Variants in PCDHGA12 observed in about 807,000 individuals in gnomAD.
PCDHGA12 encodes the protein protocadherin gamma-A12.
In PCDHGA12, 43 loss-of-function variants were observed where a neutral mutation model predicts 61.1. The ratio of observed to expected loss-of-function variants is 0.70; its 90% CI spans 0.55 to 0.91. PCDHGA12 has a LOEUF of 0.91. Among genes scored for constraint, PCDHGA12 ranks in the 40% least tolerant of loss-of-function variants. PCDHGA12 has a pLI of 0.00. For synonymous variants in PCDHGA12, 520 were observed against 542.9 expected (o/e 0.96, Z 0.59); for missense variants, 1,236 against 1,227.7 (o/e 1.01, Z -0.10).
chr5:141,449,588 C>CAAA (rs768743917), intron 1 of PCDHGA12, among the ~76,000 whole-genome samples: 1 of 57,476 alleles, frequency 1.7e-5, no homozygotes, highest in East Asian at 5.2e-4. Context: ...GACTCTGTCT[C>CAAA]AAAAAAAAAA....
At chr5:141,438,418 G>C (rs2097959406) in intron 1 of PCDHGA12, among the ~76,000 whole-genome samples, 1 of 151,534 alleles carries the variant, frequency 6.6e-6, no homozygotes, top group Admixed American at 6.6e-5. Flanking sequence ...ATTTCACACA[G>C]TAGTTTGTAC....
intron 1 of PCDHGA12, among the ~76,000 whole-genome samples, chr5:141,433,747 G>A (rs566709728): frequency 1.3e-5 from 2 of 150,990 alleles, no homozygotes; most frequent in East Asian, 4.0e-4. Context: ...TGAGTCAGGA[G>A]AATTGCTTTA....
chr5:141,505,694 G>A, intron 3 of PCDHGA12, among the ~76,000 whole-genome samples: 1 of 152,208 alleles, frequency 6.6e-6, no homozygotes, highest in East Asian at 1.9e-4. Flanking sequence ...GCCTGGAGGA[G>A]AGCGAACAAG....
intron 2 of PCDHGA12, among the ~76,000 whole-genome samples, chr5:141,501,528 A>G (rs1173385747): frequency 6.6e-6 from 1 of 151,978 alleles, no homozygotes; most frequent in Non-Finnish European, 1.5e-5. Context: ...GAAGCCCAGT[A>G]CGTTGTTGTG....
intron 1 of PCDHGA12, among the ~76,000 whole-genome samples, chr5:141,445,924 A>G (rs1451439271): frequency 6.6e-6 from 1 of 152,184 alleles, no homozygotes; most frequent in Non-Finnish European, 1.5e-5. Flanking sequence ...GTGACAAGAT[A>G]TTTGAATTAT....
At chr5:141,461,063 C>T (rs1472437531) in intron 1 of PCDHGA12, among the ~76,000 whole-genome samples, 1 of 151,796 alleles carries the variant, frequency 6.6e-6, no homozygotes, top group Non-Finnish European at 1.5e-5. Flanking sequence ...GTTGGTTTCA[C>T]ATTTTTGCAA....
Position 141,477,783 on chromosome 5 carries a change from T to C in PCDHGA12, c.2425-17024T>C. 1 of 1,614,078 alleles carries C rather than the reference T, an allele frequency of 6.2e-7. No individual in the cohort carries two copies. Among genetic ancestry groups the C allele is most frequent in the Non-Finnish European group, 8.5e-7 (1 of 1,180,028 alleles). On this transcript the variant is annotated intron_variant, in intron 1 of 3. Coordinates refer to ENST00000252085, the MANE Select transcript of PCDHGA12 (RefSeq NM_003735.3). The surrounding 1 kb of genome is among the most constrained non-coding windows in gnomAD (Gnocchi z 4.9). ...GCCACCAACATCAGCGTGAACATAT[T>C]TGTCACTGATCGCAATGACAATGCC...
In PCDHGA12 at chr5:141,476,780, C is replaced by T. The variant is rs201463036; in HGVS notation, c.2425-18027C>T. On this transcript the variant is annotated intron_variant, in intron 1 of 3. Transcript: ENST00000252085. This position sits in a 1 kb window ranked among gnomAD's most constrained non-coding sequence, Gnocchi z 7.6. ...GCTGACGGCGTTGGACGGAGGGACCCCAGCTCTCTCCGCCAGCCTGCCTAT... is the reference window on the plus strand; with the variant it reads ...GCTGACGGCGTTGGACGGAGGGACCTCAGCTCTCTCCGCCAGCCTGCCTAT... 234 of 1,613,464 alleles carry T rather than the reference C, an allele frequency of 1.5e-4. No individual in the cohort carries two copies. Among genetic ancestry groups the T allele is most frequent in the Non-Finnish European group, 1.9e-4 (227 of 1,180,026 alleles).
chr5:141,478,454 A>T, intron 1 of PCDHGA12: 1 of 1,613,596 alleles, frequency 6.2e-7, no homozygotes. Flanking sequence ...TGGTGCAGCC[A>T]GTCCACTGGC....
intron 1 of PCDHGA12, among the ~76,000 whole-genome samples, chr5:141,466,868 CA>C (rs1343260699): frequency 1.3e-5 from 2 of 152,100 alleles, no homozygotes; most frequent in African/African-American, 2.4e-5. Flanking sequence ...GAAATCCACA[CA>C]TTTTTTTCAT....
At position 141,437,148 on chromosome 5, in the gene PCDHGA12, A is replaced by T. The variant is rs1196014608; in HGVS notation, c.2424+3965A>T. ...GTTGATAATTTAGGATTCATAATTA[A>T]CATATGTGTTGATTGTTTTCTGAGA... is the stretch of plus-strand genomic sequence containing the variant. On this transcript the variant is annotated intron_variant, in intron 1 of 3. Coordinates refer to ENST00000252085, the MANE Select transcript of PCDHGA12 (RefSeq NM_003735.3). Among the ~76,000 whole-genome samples the T allele has an allele frequency of 2.0e-5, 3 of 152,214 alleles. No individual in the cohort carries two copies. In the East Asian group the frequency reaches 5.8e-4, roughly 29 times the overall value.
In PCDHGA12 at chr5:141,491,723, G is replaced by A. The variant is rs764792125; in HGVS notation, c.2425-3084G>A. The A allele has an allele frequency of 1.7e-5, 27 of 1,606,770 alleles. No individual in the cohort carries two copies. In the African/African-American group the frequency reaches 3.2e-4, roughly 19 times the overall value. On this transcript the variant is annotated intron_variant, in intron 1 of 3. Coordinates refer to ENST00000252085, the MANE Select transcript of PCDHGA12 (RefSeq NM_003735.3). The surrounding 1 kb of genome is among the most constrained non-coding windows in gnomAD (Gnocchi z 6.9). The stretch of plus-strand genomic sequence containing the variant: ...CAGGTGAGGGGCTCGGCGCCGCCCC[G>A]GGCGACCCCTGGGGGCGGCACTGGA...
intron 2 of PCDHGA12, among the ~76,000 whole-genome samples, chr5:141,497,290 C>A (rs182104163): frequency 4.7e-4 from 72 of 152,184 alleles, no homozygotes; most frequent in Middle Eastern, 3.4e-3. Flanking sequence ...CTCTACCTAC[C>A]ACCACCCCAG....
At position 141,486,272 on chromosome 5, in the gene PCDHGA12, A is replaced by C. The variant is rs2099627166; in HGVS notation, c.2425-8535A>C. On this transcript the variant is annotated intron_variant, in intron 1 of 3. Transcript: ENST00000252085. The surrounding 1 kb of genome is among the most constrained non-coding windows in gnomAD (Gnocchi z 5.0). ...CCTCCCCGAGAGTGCAGAACCTGGC[A>C]CTGTGGTGGCACTTATCAGTGTGCA... 1 of 1,613,886 alleles carries C rather than the reference A, an allele frequency of 6.2e-7. No individual in the cohort carries two copies. Among genetic ancestry groups the C allele is most frequent in the Non-Finnish European group, 8.5e-7 (1 of 1,179,986 alleles).
chr5:141,497,649 C>T (rs973501351), intron 2 of PCDHGA12, among the ~76,000 whole-genome samples: 1 of 151,784 alleles, frequency 6.6e-6, no homozygotes, highest in Non-Finnish European at 1.5e-5. Context: ...AAGCGATTCT[C>T]CTGCCTCAGC....
At chr5:141,447,798 A>G (rs2098551922) in intron 1 of PCDHGA12, among the ~76,000 whole-genome samples, 2 of 152,230 alleles carry the variant, frequency 1.3e-5, no homozygotes, top group Admixed American at 1.3e-4. Context: ...TTAAGAAAAT[A>G]AAATTGGCTG....
Position 141,433,153 on chromosome 5 carries a change from A to G in PCDHGA12, c.2394A>G (p.Val798=), listed in dbSNP as rs896611410. 3.1e-6 allele frequency: 5 copies of G among 1,613,482 alleles called. No individual in the cohort carries two copies. The highest frequency in any genetic ancestry group is 2.7e-5 in the African/African-American group (2 of 74,738). The change falls in exon 1 of 4, where the codon GTA becomes GTG. Residue 798 remains valine (V), a synonymous_variant. Coordinates refer to ENST00000252085, the MANE Select transcript of PCDHGA12 (RefSeq NM_003735.3). ...CCCTTTTGCTGTCAGGTGATTCGGT[A>G]TTTTCTAAAGACAGTCATGGGTTAA... The part of the protein sequence containing the change: ...SEPLLLSGDS[V]FSKDSHGLIE...
intron 2 of PCDHGA12, among the ~76,000 whole-genome samples, chr5:141,496,592 T>G (rs948403662): frequency 6.6e-6 from 1 of 152,136 alleles, no homozygotes; most frequent in African/African-American, 2.4e-5. Context: ...GCAAAGCGCT[T>G]CTTAGAAGGC....
intron 1 of PCDHGA12, among the ~76,000 whole-genome samples, chr5:141,466,080 C>A (rs1186062704): frequency 6.6e-6 from 1 of 152,108 alleles, no homozygotes; most frequent in East Asian, 1.9e-4. Flanking sequence ...TGATATCATG[C>A]CACTGCACTC....
Sources: allele counts gnomAD v4.1 joint callset (sites outside exome capture counted in the v4.1 genomes callset), GRCh38; gene constraint gnomAD v4.1.1; non-coding constraint Gnocchi (gnomAD v3.1); transcripts MANE v1.5; gene names NCBI Gene and HGNC (gene_info 2026-07-23, HGNC 2026-07-21).